The following NARF variants were observed in gnomAD, a reference collection of about 807,000 sequenced individuals.
NARF encodes the protein iron-only hydrogenase-like protein 2.
Under a neutral mutation model 48.0 loss-of-function variants are expected in NARF, and 41 were observed. The ratio of observed to expected loss-of-function variants is 0.85; its 90% CI spans 0.66 to 1.11. NARF has a LOEUF of 1.11. NARF is among the 50% of genes least tolerant of loss of function. The pLI is 0.00. For missense variants in NARF, 613 were observed against 590.2 expected, an observed-to-expected ratio of 1.04 and a Z score of -0.40; for synonymous variants, 215 against 225.5, an observed-to-expected ratio of 0.95 and a Z score of 0.42.
intron 3 of NARF, among the ~76,000 whole-genome samples, chr17:82,465,871 C>T (rs547946507): frequency 7.2e-5 from 11 of 152,316 alleles, no homozygotes; most frequent in Admixed American, 4.6e-4. Flanking sequence ...TGACCTAGAT[C>T]ACAATTGCAG....
chr17:82,466,844 T>A (rs1387589713), intron 3 of NARF, among the ~76,000 whole-genome samples: 2 of 151,976 alleles, frequency 1.3e-5, no homozygotes, highest in Non-Finnish European at 2.9e-5. Context: ...ACCTCTCTTA[T>A]ATATTGATAG....
Position 82,488,900 on chromosome 17 carries a change from G to T in NARF, c.*743G>T, listed in dbSNP as rs2143983000. ...TGAGGGCAGAGGGTGGGGTGGCTGTGCCTGTGGACTCCTGTGGCCCTGGGG... is the reference window on the plus strand; with the variant it reads ...TGAGGGCAGAGGGTGGGGTGGCTGTTCCTGTGGACTCCTGTGGCCCTGGGG... On this transcript the variant is annotated 3_prime_UTR_variant, in exon 11 of 11. Coordinates refer to ENST00000309794, the MANE Select transcript of NARF (RefSeq NM_012336.4). The T allele has an allele frequency of 6.6e-6, 1 of 152,520 alleles. No homozygotes were observed. Among genetic ancestry groups the T allele is most frequent in the African/African-American group, 2.4e-5 (1 of 41,568 alleles). The allele number at this position is 152,520 out of a possible 1,614,324, so 9.4% of individuals were successfully genotyped here.
chr17:82,481,198 C>T lies in NARF; in HGVS notation c.756C>T (p.Cys252=), dbSNP rs372928808. Residue 252 remains cysteine, a synonymous_variant, in exon 7 of 11, where the codon TGC becomes TGT. Transcript: ENST00000309794. The part of the protein sequence containing the change: ...PALHGSRGAD[C]VLTSGEIAQI... ...TGCATGGCTCCCGGGGCGCTGACTG[C>T]GTGTTAACATCAGGTGAGAGGTGGG... is the stretch of plus-strand genomic sequence containing the variant. The T allele has an allele frequency of 2.0e-5, 32 of 1,613,784 alleles. No homozygotes were observed. In the African/African-American group the frequency reaches 2.4e-4, roughly 12 times the overall value.
chr17:82,468,547 C>T, intron 3 of NARF: 1 of 513,256 alleles, frequency 1.9e-6, no homozygotes, highest in Admixed American at 3.8e-5. Context: ...TTTTTTAAAT[C>T]CTGACTTTTA....
At chr17:82,464,079 G>C (rs1204402943) in intron 2 of NARF, 2 of 551,310 alleles carry the variant, frequency 3.6e-6, no homozygotes, top group South Asian at 2.5e-5. Context: ...GTCATTGTGG[G>C]CTGGGCCCTG....
chr17:82,471,852 AAC>A (rs1472637537), intron 4 of NARF, among the ~76,000 whole-genome samples: 1 of 151,624 alleles, frequency 6.6e-6, no homozygotes, highest in Non-Finnish European at 1.5e-5. Context: ...TCTACTTTTA[AAC>A]ACATCAAGAA....
chr17:82,481,307 C>T, intron 7 of NARF, 96 bp downstream of exon 7: 1 of 1,546,204 alleles, frequency 6.5e-7, no homozygotes, highest in African/African-American at 1.4e-5. Context: ...AGAGCCATCT[C>T]AGTGCCTGCC....
chr17:82,485,280 G>T (rs1418957013), intron 9 of NARF, among the ~76,000 whole-genome samples: 1 of 152,118 alleles, frequency 6.6e-6, no homozygotes. Context: ...AATTTGCCGA[G>T]TGTGGTGGTG....
chr17:82,471,913 G>T (rs1360239098), intron 4 of NARF, among the ~76,000 whole-genome samples: 1 of 152,012 alleles, frequency 6.6e-6, no homozygotes, highest in Admixed American at 6.6e-5. Context: ...AGGGAATGCT[G>T]TGGGTACGTT....
rs758833871 is a variant in NARF at position 82,460,135 on chromosome 17, G to A, written c.108+63G>A. On this transcript the variant is annotated intron_variant, in intron 2 of 10. Coordinates refer to ENST00000309794, the MANE Select transcript of NARF (RefSeq NM_012336.4). Reference sequence around the variant, plus strand: ...AACTACTGCTGCTGTTTTTCTCTTTGGGGGCTCACAGCACCGTGCACATCA... The same window carrying A: ...AACTACTGCTGCTGTTTTTCTCTTTAGGGGCTCACAGCACCGTGCACATCA... 7.8e-6 allele frequency: 11 copies of A among 1,411,276 alleles called. No homozygotes were observed. In the Admixed American group the frequency reaches 1.4e-4, roughly 18 times the overall value. The allele number at this position is 1,411,276 out of a possible 1,614,324, so 87.4% of individuals were successfully genotyped here.
chr17:82,461,405 A>T (rs781570971), intron 2 of NARF, among the ~76,000 whole-genome samples: 1 of 152,196 alleles, frequency 6.6e-6, no homozygotes, highest in Non-Finnish European at 1.5e-5. Flanking sequence ...TGAGGTCAGG[A>T]GTTCAAGATC....
At chr17:82,463,487 G>C (rs1292951419) in intron 2 of NARF, 1 of 152,262 alleles carries the variant, frequency 6.6e-6, no homozygotes, top group Non-Finnish European at 1.5e-5. Context: ...CTCTGCTGAA[G>C]GCCACCCAGG....
In NARF at chr17:82,483,428, C is replaced by T. The variant is rs60773101; in HGVS notation, c.770-288C>T. The T allele has an allele frequency of 2.8e-3, 1,048 of 369,384 alleles. 8 individuals are homozygous for T. Among genetic ancestry groups the T allele is most frequent in the African/African-American group, 0.021 (976 of 47,214 alleles). 22.9% of individuals were successfully genotyped at this position (369,384 alleles called of 1,614,324 possible). Reference sequence around the variant, plus strand: ...ATGCAAAGTAGGCCAAAAAAGTTTACAGATTTTCCACATGGGAAAATCATG... The same window carrying T: ...ATGCAAAGTAGGCCAAAAAAGTTTATAGATTTTCCACATGGGAAAATCATG... On this transcript the variant is annotated intron_variant, in intron 7 of 10. Transcript: ENST00000309794.
intron 2 of NARF, 153 bp from the exon 3 acceptor site, chr17:82,464,134 C>T (rs1199899340): frequency 2.4e-5 from 23 of 956,016 alleles, no homozygotes; most frequent in Non-Finnish European, 4.6e-6. Context: ...GTGGCAGAGA[C>T]TGTCCTGCTT....
chr17:82,459,327 C>A, intron 1 of NARF: 1 of 313,784 alleles, frequency 3.2e-6, no homozygotes, highest in Non-Finnish European at 4.6e-6. Context: ...GCTGTTATTG[C>A]CGGAATGGGC....
intron 5 of NARF, 109 bp from the exon 6 acceptor site, chr17:82,478,691 C>T: frequency 2.6e-6 from 3 of 1,143,010 alleles, no homozygotes; most frequent in Non-Finnish European, 2.6e-6. Context: ...AAAAGGTGTT[C>T]TGGCTTCACC....
intron 2 of NARF, chr17:82,464,044 C>G (rs1428920629): frequency 4.3e-6 from 2 of 466,432 alleles, no homozygotes; most frequent in African/African-American, 2.0e-5. Flanking sequence ...GGGTTCCACC[C>G]TTGTCATCTG....
Position 82,464,479 on chromosome 17 carries a change from A to G in NARF, c.252+49A>G, listed in dbSNP as rs750180490. On this transcript the variant is annotated intron_variant, in intron 3 of 10. Coordinates refer to ENST00000309794, the MANE Select transcript of NARF (RefSeq NM_012336.4). ...GATGCTGGGGAGCTGACCTGGAGGA[A>G]GTGGAGGTGAGGCCTGGCTTCCTGC... The G allele has an allele frequency of 1.6e-5, 25 of 1,569,790 alleles. 1 individual carries two copies. In the South Asian group the frequency reaches 2.7e-4, roughly 17 times the overall value.
At position 82,458,795 on chromosome 17, in the gene NARF, G is replaced by T; in HGVS notation, c.-9G>T. On this transcript the variant is annotated 5_prime_UTR_variant, in exon 1 of 11. Transcript: ENST00000309794. ...TGAGGCGCCCGGCCTCCCGCCCGCC[G>T]CGCTCCAGATGAAGTGTGAGCACTG... The T allele has an allele frequency of 6.8e-7, 1 of 1,463,598 alleles. No homozygotes were observed. The allele number at this position is 1,463,598 out of a possible 1,614,324, so 90.7% of individuals were successfully genotyped here.
Sources: allele counts gnomAD v4.1 joint callset (sites outside exome capture counted in the v4.1 genomes callset), GRCh38; gene constraint gnomAD v4.1.1; transcripts MANE v1.5; gene names NCBI Gene and HGNC (gene_info 2026-07-23, HGNC 2026-07-21).